The following GRIK2 variants were observed in gnomAD, a reference collection of about 807,000 sequenced individuals.
GRIK2 encodes glutamate ionotropic receptor kainate type subunit 2, also known as glutamate receptor ionotropic, kainate 2.
Under a neutral mutation model 100.3 loss-of-function variants are expected in GRIK2, and 32 were observed. That is an observed-to-expected ratio of 0.32 (90% confidence interval 0.24 to 0.43). GRIK2 has a LOEUF of 0.43. Among genes scored for constraint, GRIK2 ranks in the 20% least tolerant of loss-of-function variants. The probability of loss-of-function intolerance (pLI) is 1.00; values close to 1 mark genes in which losing one functional copy is unlikely to be tolerated. For synonymous variants in GRIK2, 417 were observed against 389.4 expected, an observed-to-expected ratio of 1.07 and a Z score of -0.83; for missense variants, 843 against 1,114.9, an observed-to-expected ratio of 0.76 and a Z score of 3.47.
chr6:101,936,496 T>C (rs1173407084), intron 14 of GRIK2, among the ~76,000 whole-genome samples: 1 of 152,102 alleles, frequency 6.6e-6, no homozygotes, highest in Non-Finnish European at 1.5e-5. Context: ...CATGACTATT[T>C]ATTATGTCTT....
At chr6:101,637,655 T>C (rs1296733225) in intron 4 of GRIK2, among the ~76,000 whole-genome samples, 1 of 152,166 alleles carries the variant, frequency 6.6e-6, no homozygotes, top group African/African-American at 2.4e-5. Flanking sequence ...CATGAGGTCA[T>C]TCCCAAGCTT....
chr6:101,731,127 A>C (rs1019850350), intron 7 of GRIK2, among the ~76,000 whole-genome samples: 1 of 152,018 alleles, frequency 6.6e-6, no homozygotes, highest in African/African-American at 2.4e-5. Context: ...TGAGCAGTGA[A>C]GAAAGTATTA....
chr6:101,692,611 C>T (rs1475232947), intron 7 of GRIK2, among the ~76,000 whole-genome samples: 1 of 151,946 alleles, frequency 6.6e-6, no homozygotes, highest in Non-Finnish European at 1.5e-5. Flanking sequence ...ATCTTCTTTC[C>T]TGTCTTCCTG....
intron 2 of GRIK2, among the ~76,000 whole-genome samples, chr6:101,516,335 C>G (rs1438508365): frequency 6.6e-6 from 1 of 152,032 alleles, no homozygotes; most frequent in Non-Finnish European, 1.5e-5. Context: ...AGATTTCAAA[C>G]TATTCTATAA....
At chr6:101,929,929 G>A (rs974479660) in intron 14 of GRIK2, among the ~76,000 whole-genome samples, 4 of 152,100 alleles carry the variant, frequency 2.6e-5, no homozygotes, top group Non-Finnish European at 4.4e-5. Context: ...AATACGTTCA[G>A]TATGGTCCTA....
intron 2 of GRIK2, among the ~76,000 whole-genome samples, chr6:101,572,250 C>T (rs185732001): frequency 1.1e-3 from 161 of 152,094 alleles, no homozygotes; most frequent in Non-Finnish European, 2.1e-3. Context: ...CTTTCTAATG[C>T]CTTTTTATGT....
At position 101,922,901 on chromosome 6, in the gene GRIK2, A is replaced by G. The variant is rs149091264; in HGVS notation, c.1749-1700A>G. On this transcript the variant is annotated intron_variant, in intron 12 of 16. Transcript: ENST00000369134. ...CTTGGAAATACTTTAAAAAACGTGT[A>G]TAAACTATTCTCATTAGCATGAAAG... is the stretch of plus-strand genomic sequence containing the variant. Among the ~76,000 whole-genome samples the G allele has an allele frequency of 5.7e-3, 866 of 152,362 alleles. 8 individuals are homozygous for G. The highest frequency in any genetic ancestry group is 0.02 in the African/African-American group (817 of 41,594).
intron 16 of GRIK2, among the ~76,000 whole-genome samples, chr6:102,062,044 T>C (rs1771779782): frequency 6.7e-6 from 1 of 149,970 alleles, no homozygotes; most frequent in African/African-American, 2.4e-5. Flanking sequence ...TTTAACTAGC[T>C]TAAGTAGGGG....
intron 2 of GRIK2, among the ~76,000 whole-genome samples, chr6:101,589,145 T>C (rs969994058): frequency 1.3e-5 from 2 of 151,702 alleles, no homozygotes; most frequent in African/African-American, 2.4e-5. Flanking sequence ...ACTGAACAGG[T>C]AATTAGCAAC....
intron 12 of GRIK2, among the ~76,000 whole-genome samples, chr6:101,922,246 G>A (rs976524519): frequency 4.0e-5 from 6 of 151,118 alleles, no homozygotes; most frequent in African/African-American, 1.5e-4. Flanking sequence ...TATAAATTTG[G>A]ATATCTCCCC....
intron 4 of GRIK2, among the ~76,000 whole-genome samples, chr6:101,633,262 A>G (rs137940659): frequency 1.3e-5 from 2 of 152,194 alleles, no homozygotes; most frequent in Admixed American, 6.6e-5. Context: ...GCATATATCC[A>G]TTCACCTTTT....
chr6:102,036,476 A>G (rs1770279503), intron 15 of GRIK2, among the ~76,000 whole-genome samples: 1 of 151,342 alleles, frequency 6.6e-6, no homozygotes, highest in Non-Finnish European at 1.5e-5. Flanking sequence ...ATTTTCCTGG[A>G]TTAACCAGGT....
intron 12 of GRIK2, among the ~76,000 whole-genome samples, chr6:101,892,038 C>T (rs974232733): frequency 1.3e-5 from 2 of 152,070 alleles, no homozygotes; most frequent in Non-Finnish European, 2.9e-5. Context: ...TACAAAAAGT[C>T]TTCCTTAATG....
rs576036806 is a variant in GRIK2, at chr6:101,818,168, G to A, written c.1204-202G>A. On this transcript the variant is annotated intron_variant, in intron 9 of 16. Coordinates refer to ENST00000369134, the MANE Select transcript of GRIK2 (RefSeq NM_021956.5). ...ACTGACTGGAGAAGTTCAGTGGATC[G>A]TTTTGTTCTTTAATGTTACACTTCA... Among the ~76,000 whole-genome samples the A allele has an allele frequency of 7.9e-5, 12 of 152,280 alleles. No homozygotes were observed. In the South Asian group the frequency reaches 1.0e-3, roughly 13 times the overall value.
chr6:101,738,249 TG>T (rs1317875905), intron 7 of GRIK2, among the ~76,000 whole-genome samples: 19 of 152,054 alleles, frequency 1.2e-4, no homozygotes, highest in African/African-American at 4.6e-4. Flanking sequence ...CAATTGTAAT[TG>T]ACAATTGTCA....
intron 11 of GRIK2, among the ~76,000 whole-genome samples, chr6:101,872,242 T>C (rs746853234): frequency 2.0e-5 from 3 of 151,970 alleles, no homozygotes; most frequent in South Asian, 2.1e-4. Flanking sequence ...TATTAGTCCA[T>C]TCTCACAGTG....
chr6:101,974,548 G>C (rs969819144), intron 14 of GRIK2, among the ~76,000 whole-genome samples: 2 of 152,030 alleles, frequency 1.3e-5, no homozygotes, highest in Admixed American at 1.3e-4. Context: ...GTCTCAATCT[G>C]TAAGCAAGCC....
At chr6:101,988,149 G>C (rs1436046321) in intron 14 of GRIK2, among the ~76,000 whole-genome samples, 2 of 8,698 alleles carry the variant, frequency 2.3e-4, no homozygotes, top group African/African-American at 7.4e-4. Context: ...GCGCGCGCGC[G>C]CGCGCGTGCG....
At chr6:101,982,041 C>A (rs1793743041) in intron 14 of GRIK2, among the ~76,000 whole-genome samples, 2 of 151,834 alleles carry the variant, frequency 1.3e-5, no homozygotes, top group African/African-American at 4.8e-5. Flanking sequence ...CCCTGCCAGG[C>A]ACTATATTTT....
Sources: gnomAD v4.1 joint callset for allele counts (sites outside exome capture counted in the v4.1 genomes callset) on GRCh38, gnomAD v4.1.1 for gene constraint, MANE v1.5 for transcripts, NCBI Gene and HGNC (gene_info 2026-07-23, HGNC 2026-07-21) for gene names.